The following MYO9A variants were observed in gnomAD, a reference collection of about 807,000 sequenced individuals.
MYO9A encodes the protein myosin IXA.
MYO9A carries 103 observed loss-of-function variants against 293.3 expected under a neutral mutation model. The observed-to-expected ratio is 0.35, with a 90% CI of 0.30 to 0.41. The LOEUF (loss-of-function observed/expected upper bound fraction) is 0.41, where lower values mean the gene tolerates loss of function less well. Ranked by LOEUF, MYO9A falls within the 10% of genes least tolerant of loss-of-function variation. MYO9A has a pLI of 1.00. For missense variants in MYO9A, 2,685 were observed against 3,033.0 expected, an observed-to-expected ratio of 0.89 and a Z score of 2.69; for synonymous variants, 1,001 against 1,035.7, an observed-to-expected ratio of 0.97 and a Z score of 0.64.
intron 14 of MYO9A, 53 bp downstream of exon 14, chr15:71,959,848 T>TG: frequency 8.7e-7 from 1 of 1,148,742 alleles, no homozygotes; most frequent in Non-Finnish European, 1.2e-6. Context: ...AGTAGAAAGG[T>TG]AAAAAAAAAA....
intron 6 of MYO9A, among the ~76,000 whole-genome samples, chr15:72,018,412 G>T (rs1413349785): frequency 6.6e-6 from 1 of 152,124 alleles, no homozygotes; most frequent in Non-Finnish European, 1.5e-5. Context: ...AGGTTGCAGG[G>T]AGCCAAGATC....
intron 1 of MYO9A, among the ~76,000 whole-genome samples, chr15:72,068,827 T>C (rs575450459): frequency 1.3e-5 from 2 of 152,228 alleles, no homozygotes; most frequent in South Asian, 4.1e-4. Flanking sequence ...ATAAGAACCA[T>C]GGCAATAATT....
At position 71,899,845 on chromosome 15, in the gene MYO9A, G is replaced by A; in HGVS notation, c.3312C>T (p.Ile1104=). The A allele has an allele frequency of 6.2e-7, 1 of 1,614,110 alleles. No homozygotes were observed. The highest frequency in any genetic ancestry group is 8.5e-7 in the Non-Finnish European group (1 of 1,180,026). ...TATAGTAATCTCTCCATTTCTGCTG[G>A]ATAACGATGGCTGCAGCCCGTAACT... ...YLELRAAAIV[I]QQKWRDYYRR... The change falls in exon 24 of 42, where the codon ATC becomes ATT. Residue 1104 remains isoleucine, a synonymous_variant. Transcript: ENST00000356056.
chr15:72,114,152 G>A (rs931937616), intron 1 of MYO9A: 6 of 152,040 alleles, frequency 3.9e-5, no homozygotes, highest in African/African-American at 1.5e-4. Flanking sequence ...AACTTTTCCT[G>A]GGTTCCCTTG....
upstream of MYO9A, chr15:72,118,316 GCAGGGAACT>G (rs2081084798): frequency 4.4e-6 from 1 of 226,552 alleles, no homozygotes; most frequent in African/African-American, 2.3e-5. Flanking sequence ...TTACGGCAGA[GCAGGGAACT>G]CAGCTTTAGA....
intron 34 of MYO9A, 22 bp downstream of exon 34, chr15:71,859,713 C>CTGAT: frequency 6.3e-7 from 1 of 1,591,828 alleles, no homozygotes. Context: ...TTATCTATTA[C>CTGAT]TGATAGGTGA....
At chr15:72,102,504 A>T (rs2080392234) in intron 1 of MYO9A, among the ~76,000 whole-genome samples, 1 of 151,332 alleles carries the variant, frequency 6.6e-6, no homozygotes, top group Non-Finnish European at 1.5e-5. Context: ...AAATTTAAAA[A>T]AAAAAAAAAA....
chr15:71,841,643 CTTTATTT>C (rs1158378939), intron 39 of MYO9A, among the ~76,000 whole-genome samples: 2 of 151,038 alleles, frequency 1.3e-5, no homozygotes, highest in Non-Finnish European at 1.5e-5. Flanking sequence ...TTAAATTTTT[CTTTATTT>C]TTTATTTTTT....
intron 4 of MYO9A, among the ~76,000 whole-genome samples, chr15:72,026,830 A>G (rs971888377): frequency 1.3e-5 from 2 of 152,222 alleles, no homozygotes; most frequent in African/African-American, 4.8e-5. Flanking sequence ...TTTGGCAACA[A>G]ATTAGATAAC....
intron 30 of MYO9A, among the ~76,000 whole-genome samples, chr15:71,878,765 T>TTTTTG (rs2056777103): frequency 1.5e-5 from 2 of 134,284 alleles, no homozygotes; most frequent in Non-Finnish European, 3.3e-5. Flanking sequence ...TTTTTTTTTT[T>TTTTTG]AGACGGAGTC....
intron 1 of MYO9A, among the ~76,000 whole-genome samples, chr15:72,105,914 T>C (rs1352535948): frequency 1.3e-5 from 2 of 152,166 alleles, no homozygotes; most frequent in African/African-American, 4.8e-5. Context: ...AATAAAACTA[T>C]GGTACATCCG....
chr15:71,862,374 C>CTA (rs1287635578), intron 33 of MYO9A, 126 bp downstream of exon 33: 7 of 702,072 alleles, frequency 1.0e-5, no homozygotes, highest in Non-Finnish European at 1.5e-5. Context: ...GAGAGTATAG[C>CTA]AAGAGATGAG....
chr15:71,905,729 C>A (rs1239368764), intron 19 of MYO9A, among the ~76,000 whole-genome samples: 3 of 136,024 alleles, frequency 2.2e-5, no homozygotes, highest in African/African-American at 8.3e-5. Context: ...TGCCACTGCA[C>A]TCCAGCCTGC....
intron 12 of MYO9A, among the ~76,000 whole-genome samples, chr15:71,975,908 G>A (rs542360651): frequency 5.3e-5 from 8 of 152,310 alleles, no homozygotes; most frequent in Non-Finnish European, 8.8e-5. Flanking sequence ...AGTTCCTGGA[G>A]GGTGGTACAC....
intron 11 of MYO9A, among the ~76,000 whole-genome samples, chr15:71,990,599 C>T (rs768401119): frequency 1.7e-4 from 26 of 151,584 alleles, no homozygotes; most frequent in Non-Finnish European, 3.2e-4. Context: ...ACTAAAAATA[C>T]AAAAAAATTA....
chr15:72,024,842 G>A (rs1566959723), intron 4 of MYO9A, among the ~76,000 whole-genome samples: 1 of 151,878 alleles, frequency 6.6e-6, no homozygotes, highest in Non-Finnish European at 1.5e-5. Context: ...AAAAAGAAAT[G>A]CCAATGAAAT....
At chr15:72,006,931 T>C (rs761317864) in intron 8 of MYO9A, among the ~76,000 whole-genome samples, 1 of 152,186 alleles carries the variant, frequency 6.6e-6, no homozygotes, top group Non-Finnish European at 1.5e-5. Flanking sequence ...CCACTATACA[T>C]GTATACTGGA....
chr15:72,106,299 A>G (rs1387598339), intron 1 of MYO9A, among the ~76,000 whole-genome samples: 2 of 152,100 alleles, frequency 1.3e-5, no homozygotes, highest in Non-Finnish European at 2.9e-5. Context: ...GCAACATAGC[A>G]AGACCCCATC....
chr15:71,831,226 A>T (rs2054713039), intron 39 of MYO9A, among the ~76,000 whole-genome samples: 2 of 152,186 alleles, frequency 1.3e-5, no homozygotes, highest in Admixed American at 1.3e-4. Flanking sequence ...AGGACGGCAA[A>T]CTATAGCCCG....
Sources: allele counts gnomAD v4.1 joint callset (sites outside exome capture counted in the v4.1 genomes callset), GRCh38; gene constraint gnomAD v4.1.1; transcripts MANE v1.5; gene names NCBI Gene and HGNC (gene_info 2026-07-23, HGNC 2026-07-21).